The following OSGIN1 variants were observed in gnomAD, a reference collection of about 807,000 sequenced individuals.
The protein encoded by OSGIN1 is oxidative stress-induced growth inhibitor 1.
Under a neutral mutation model 20.1 loss-of-function variants are expected in OSGIN1, and 19 were observed. That is an observed-to-expected ratio of 0.95 (90% CI 0.66 to 1.39). OSGIN1 has a LOEUF of 1.39. Among genes scored for constraint, OSGIN1 ranks in the 40% most tolerant of loss-of-function variants. The pLI is 0.00. For missense variants in OSGIN1, 820 were observed against 653.0 expected (o/e 1.26, Z -2.79); for synonymous variants, 368 against 297.8 (o/e 1.24, Z -2.43).
chr16:83,965,008 G>T, intron 5 of OSGIN1, 54 bp from the exon 6 acceptor site: 3 of 495,466 alleles, frequency 6.1e-6, no homozygotes, highest in Non-Finnish European at 1.2e-5. Context: ...GTCCCACCCA[G>T]CCCCCCAACC....
intron 1 of OSGIN1, among the ~76,000 whole-genome samples, 175 bp from the exon 2 acceptor site, chr16:83,957,465 T>G (rs1015212303): frequency 6.6e-6 from 1 of 152,126 alleles, no homozygotes; most frequent in Non-Finnish European, 1.5e-5. Flanking sequence ...AACAGCCTGT[T>G]TGGAGCAGAG....
chr16:83,955,998 G>T (rs988150722), intron 1 of OSGIN1, among the ~76,000 whole-genome samples: 3 of 152,300 alleles, frequency 2.0e-5, no homozygotes, highest in Middle Eastern at 6.8e-3. Flanking sequence ...CCCCTTCCCC[G>T]CTAGGCACAT....
At chr16:83,964,077 G>T (rs1352703546) in intron 5 of OSGIN1, among the ~76,000 whole-genome samples, 1 of 152,196 alleles carries the variant, frequency 6.6e-6, no homozygotes, top group Non-Finnish European at 1.5e-5. Flanking sequence ...GCCGAGGCTG[G>T]TGGATCACTT....
chr16:83,959,241 C>G lies in OSGIN1; in HGVS notation c.68-19C>G. 6.2e-7 allele frequency: 1 copy of G among 1,610,756 alleles called. No individual in the cohort carries two copies. Among genetic ancestry groups the G allele is most frequent in the Non-Finnish European group, 8.5e-7 (1 of 1,177,772 alleles). ...ACCTGAAAAGGCCACCCCCTTTAAC[C>G]TCCACCCTCTCTCCCCAGGTAACGG... On this transcript the variant is annotated intron_variant, in intron 2 of 5. Coordinates refer to ENST00000393306, the MANE Select transcript of OSGIN1 (RefSeq NM_182981.3).
chr16:83,961,720 G>A (rs1236680454), intron 5 of OSGIN1, among the ~76,000 whole-genome samples: 2 of 152,130 alleles, frequency 1.3e-5, no homozygotes, highest in Non-Finnish European at 2.9e-5. Context: ...GCTCACCCGA[G>A]GACCCCCTGT....
At chr16:83,955,225 C>T (rs761635894) in intron 1 of OSGIN1, among the ~76,000 whole-genome samples, 29 of 152,162 alleles carry the variant, frequency 1.9e-4, no homozygotes, top group South Asian at 8.3e-4. Flanking sequence ...CCAGAGAAAG[C>T]ACTCTGAGAC....
chr16:83,956,345 T>C (rs1324740438), intron 1 of OSGIN1, among the ~76,000 whole-genome samples: 1 of 152,230 alleles, frequency 6.6e-6, no homozygotes, highest in Non-Finnish European at 1.5e-5. Context: ...GTTCATTCAT[T>C]GCCCACTTCT....
intron 1 of OSGIN1, among the ~76,000 whole-genome samples, chr16:83,955,137 C>CTG (rs1260861910): frequency 1.3e-5 from 2 of 152,178 alleles, no homozygotes; most frequent in African/African-American, 4.8e-5. Flanking sequence ...AGGTCCCATG[C>CTG]TCCCCAGTGG....
intron 1 of OSGIN1, among the ~76,000 whole-genome samples, 159 bp from the exon 2 acceptor site, chr16:83,957,481 G>T (rs979208212): frequency 2.0e-5 from 3 of 152,178 alleles, no homozygotes; most frequent in African/African-American, 7.2e-5. Flanking sequence ...CAGAGGCTGT[G>T]TGAGAGCAAG....
At chr16:83,958,289 A>G (rs570706590) in intron 2 of OSGIN1, among the ~76,000 whole-genome samples, 44 of 152,254 alleles carry the variant, frequency 2.9e-4, no homozygotes, top group African/African-American at 1.0e-3. Flanking sequence ...ACTTCCGAGA[A>G]CCCAGGGGTC....
At position 83,966,011 on chromosome 16, in the gene OSGIN1, T is replaced by C; in HGVS notation, c.*4T>C. Reference sequence around the variant, plus strand: ...GGAGACCAGGAAGCCACCCTAACACTCGGCCAGACCCGCTGGCTCCCAGGC... The same window carrying C: ...GGAGACCAGGAAGCCACCCTAACACCCGGCCAGACCCGCTGGCTCCCAGGC... On this transcript the variant is annotated 3_prime_UTR_variant, in exon 6 of 6. Coordinates refer to ENST00000393306, the MANE Select transcript of OSGIN1 (RefSeq NM_182981.3). The C allele has an allele frequency of 6.5e-7, 1 of 1,541,418 alleles. No homozygotes were observed. The highest frequency in any genetic ancestry group is 8.7e-7 in the Non-Finnish European group (1 of 1,144,650).
intron 2 of OSGIN1, 70 bp from the exon 3 acceptor site, chr16:83,959,190 C>G (rs1909081478): frequency 1.8e-6 from 2 of 1,087,740 alleles, no homozygotes; most frequent in Non-Finnish European, 2.8e-6. Flanking sequence ...GCATCTAGAT[C>G]AAAGCCCTCC....
chr16:83,958,737 C>T (rs928757342), intron 2 of OSGIN1, among the ~76,000 whole-genome samples: 31 of 152,190 alleles, frequency 2.0e-4, no homozygotes, highest in African/African-American at 5.1e-4. Flanking sequence ...ACCCAACAGG[C>T]GGCTCAGCAC....
At chr16:83,960,495 C>T in intron 3 of OSGIN1, 74 bp from the exon 4 acceptor site, 2 of 1,261,934 alleles carry the variant, frequency 1.6e-6, no homozygotes, top group East Asian at 2.3e-5. Context: ...CCCCACGTTC[C>T]TGCCCAGCCT....
intron 1 of OSGIN1, among the ~76,000 whole-genome samples, chr16:83,956,509 C>G (rs942455600): frequency 6.6e-5 from 10 of 152,134 alleles, no homozygotes; most frequent in Non-Finnish European, 1.5e-4. Context: ...GGCCCTGGAT[C>G]TCGAGGGACA....
At position 83,965,534 on chromosome 16, in the gene OSGIN1, G is replaced by A. The variant is rs777210048; in HGVS notation, c.961G>A (p.Asp321Asn). 1.3e-5 allele frequency: 21 copies of A among 1,612,624 alleles called. No homozygotes were observed. The highest frequency in any genetic ancestry group is 1.6e-4 in the Middle Eastern group (1 of 6,062). The change falls in exon 6 of 6, where the codon GAC (aspartate) becomes AAC (asparagine). Residue 321 changes from aspartate (D) to asparagine (N), a missense_variant. Transcript: ENST00000393306. ...VIHAFRRAVD[D>N]PGLVFNQLPK... Reference sequence around the variant, plus strand: ...CCATGCCTTCCGCCGGGCCGTGGACGACCCTGGCCTGGTGTTCAACCAGCT... The same window carrying A: ...CCATGCCTTCCGCCGGGCCGTGGACAACCCTGGCCTGGTGTTCAACCAGCT...
intron 1 of OSGIN1, among the ~76,000 whole-genome samples, chr16:83,953,775 G>A (rs1908800268): frequency 6.6e-6 from 1 of 152,088 alleles, no homozygotes; most frequent in South Asian, 2.1e-4. Flanking sequence ...GCTCAGGAGG[G>A]ACAGAGCCCT....
At position 83,953,309 on chromosome 16, in the gene OSGIN1, C is replaced by A; in HGVS notation, c.-94C>A. ...CGGGGGACTCTGTGATCCGTGTTCC[C>A]CTGACCCTCCTAGTGCACAACTTGG... On this transcript the variant is annotated 5_prime_UTR_variant, in exon 1 of 6. Transcript: ENST00000393306. 7.8e-7 allele frequency: 1 copy of A among 1,288,974 alleles called. No homozygotes were observed. Among genetic ancestry groups the A allele is most frequent in the South Asian group, 1.2e-5 (1 of 81,004 alleles). The allele number at this position is 1,288,974 out of a possible 1,614,324, so 79.8% of individuals were successfully genotyped here.
rs182196581 is a variant in OSGIN1, at chr16:83,959,194, G to A, written c.68-66G>A. On this transcript the variant is annotated intron_variant, in intron 2 of 5. Transcript: ENST00000393306. ...ATGAATGCGCCGCATCTAGATCAAA[G>A]CCCTCCACAGTAGTGTCCCCCACCT... is the stretch of plus-strand genomic sequence containing the variant. The A allele has an allele frequency of 1.4e-4, 154 of 1,124,302 alleles. No homozygotes were observed. In the East Asian group the frequency reaches 3.5e-3, roughly 25 times the overall value. 69.6% of individuals were successfully genotyped at this position (1,124,302 alleles called of 1,614,324 possible). A position where few individuals can be genotyped will look rare whatever the true frequency, so the allele number is the denominator to read the frequency against.
Sources: allele counts gnomAD v4.1 joint callset (sites outside exome capture counted in the v4.1 genomes callset), GRCh38; gene constraint gnomAD v4.1.1; transcripts MANE v1.5; gene names NCBI Gene and HGNC (gene_info 2026-07-23, HGNC 2026-07-21).